Variants in COL9A3 observed in about 807,000 individuals in gnomAD.
The protein encoded by COL9A3 is collagen alpha-3(IX) chain.
Under a neutral mutation model 110.2 loss-of-function variants are expected in COL9A3, and 82 were observed. The ratio of observed to expected loss-of-function variants is 0.74; its 90% CI spans 0.62 to 0.89. The LOEUF (loss-of-function observed/expected upper bound fraction) is 0.89. Among genes scored for constraint, COL9A3 ranks in the 40% least tolerant of loss-of-function variants. The probability of loss-of-function intolerance (pLI) is 0.00; values close to 1 mark genes in which losing one functional copy is unlikely to be tolerated. For missense variants in COL9A3, 1,066 were observed against 981.3 expected, an observed-to-expected ratio of 1.09 and a Z score of -1.15; for synonymous variants, 494 against 403.8, an observed-to-expected ratio of 1.22 and a Z score of -2.68.
rs1048100 is a variant in COL9A3, at chr20:62,840,721, C to G, written c.2044C>G (p.Arg682Gly). ...LGGVGEKSGS[R>G]SS is the part of the protein sequence containing the mutation. ...AGGGGTCGGGGAGAAATCAGGCTCT[C>G]GAAGCTCATAAAATTCAACGTGAGG... The change falls in exon 32 of 32, where the codon CGA (arginine) becomes GGA (glycine). Residue 682 changes from arginine to glycine, a missense_variant. Arg to Gly is a moderately radical substitution (Grantham distance 125, BLOSUM62 -2). Transcript: ENST00000649368. 2 of 1,571,814 alleles carry G rather than the reference C, an allele frequency of 1.3e-6. No individual in the cohort carries two copies. The highest frequency in any genetic ancestry group is 2.3e-5 in the South Asian group (2 of 86,086).
chr20:62,825,331 G>T (rs114074891), intron 12 of COL9A3: 4,970 of 323,540 alleles, frequency 0.015, 62 homozygotes, highest in Middle Eastern at 0.03. Context: ...GCCTGGCCTC[G>T]CTGTGGAAGC....
rs762472200 is a variant in COL9A3, at chr20:62,817,645, G to T, written c.147+10G>T. ...CCAGGACGGCATTGACGTGAGTTTG[G>T]GGGTGGGGAGGGCCCCGAGCGCTCT... On this transcript the variant is annotated intron_variant, in intron 2 of 31. Transcript: ENST00000649368. The T allele has an allele frequency of 3.3e-6, 5 of 1,527,728 alleles. No homozygotes were observed. The Admixed American group carries it at 8.3e-5, about 25-fold the overall frequency. 94.6% of individuals were successfully genotyped at this position (1,527,728 alleles called of 1,614,324 possible).
At chr20:62,822,682 G>C (rs199838058) in intron 10 of COL9A3, 50 bp downstream of exon 10, 159 of 1,590,484 alleles carry the variant, frequency 1.0e-4, no homozygotes, top group Non-Finnish European at 1.2e-4. Flanking sequence ...GCCTACCTTG[G>C]GGGGAGGGGT....
At chr20:62,817,173 A>G in intron 1 of COL9A3, 31 bp downstream of exon 1, 1 of 1,354,318 alleles carries the variant, frequency 7.4e-7, no homozygotes, top group South Asian at 1.6e-5. Flanking sequence ...CTGAGGCTGG[A>G]CGTGGAGCCG....
intron 26 of COL9A3, among the ~76,000 whole-genome samples, chr20:62,833,443 A>G (rs955083220): frequency 3.9e-5 from 6 of 152,158 alleles, no homozygotes; most frequent in Admixed American, 3.3e-4. Context: ...TCACTCTGTC[A>G]CCCAGGCTGG....
At chr20:62,823,977 T>C (rs910040947) in intron 10 of COL9A3, among the ~76,000 whole-genome samples, 1 of 151,470 alleles carries the variant, frequency 6.6e-6, no homozygotes, top group Non-Finnish European at 1.5e-5. Context: ...CGGAGTGGCC[T>C]CCTGGGGTCC....
chr20:62,839,217 C>G (rs866825972), intron 31 of COL9A3, among the ~76,000 whole-genome samples: 1 of 147,580 alleles, frequency 6.8e-6, no homozygotes, highest in Non-Finnish European at 1.5e-5. Flanking sequence ...GGCGACAGAG[C>G]GAGACTCCAT....
At chr20:62,819,876 G>A in intron 4 of COL9A3, 53 bp from the exon 5 acceptor site, 1 of 1,605,500 alleles carries the variant, frequency 6.2e-7, no homozygotes, top group Non-Finnish European at 8.5e-7. Flanking sequence ...TGCCTGGGGG[G>A]TGGCATGTGC....
intron 27 of COL9A3, 110 bp downstream of exon 27, chr20:62,836,063 G>C (rs983317321): frequency 2.5e-6 from 4 of 1,606,900 alleles, no homozygotes; most frequent in Admixed American, 1.7e-5. Context: ...GATCCGAGAT[G>C]TAAAAAAGCT....
chr20:62,819,073 G>T (rs1452626153), intron 3 of COL9A3, 149 bp from the exon 4 acceptor site: 5 of 822,282 alleles, frequency 6.1e-6, no homozygotes, highest in Non-Finnish European at 1.0e-5. Flanking sequence ...GCTGAGCCGG[G>T]TCTGCCAGAC....
intron 24 of COL9A3, chr20:62,831,752 G>C (rs1275396097): frequency 3.6e-6 from 1 of 281,660 alleles, no homozygotes; most frequent in Admixed American, 4.5e-5. Flanking sequence ...GTGAGCAAAT[G>C]GACATTTTTT....
At chr20:62,827,151 C>T in intron 15 of COL9A3, 90 bp from the exon 16 acceptor site, 5 of 1,279,014 alleles carry the variant, frequency 3.9e-6, no homozygotes, top group Non-Finnish European at 5.7e-6. Context: ...GGAGGGCTGT[C>T]CCCCGCCCGG....
Position 62,825,012 on chromosome 20 carries a change from C to A in COL9A3, c.621C>A (p.Asp207Glu), listed in dbSNP as rs766330907. The change falls in exon 12 of 32, where the codon GAC (aspartate) becomes GAA (glutamate). Residue 207 changes from aspartate (D) to glutamate (E), a missense_variant. Asp to Glu is a conservative substitution (Grantham distance 45, BLOSUM62 2). Transcript: ENST00000649368. The stretch of plus-strand genomic sequence containing the variant: ...GCGAGCAGGGGGAAGTCGGCAAGGA[C>A]GGCGAGAAGGTGAAGCTGCCGCACA... ...YKGEQGEVGK[D>E]GEKGDPGPPG... 1 of 1,608,554 alleles carries A rather than the reference C, an allele frequency of 6.2e-7. No individual in the cohort carries two copies. Among genetic ancestry groups the A allele is most frequent in the Non-Finnish European group, 8.5e-7 (1 of 1,178,736 alleles).
intron 25 of COL9A3, among the ~76,000 whole-genome samples, chr20:62,832,487 T>C (rs938538947): frequency 1.2e-4 from 18 of 152,290 alleles, no homozygotes; most frequent in African/African-American, 4.3e-4. Context: ...AAGCTGCTTC[T>C]AGTCCAGGAG....
At position 62,836,502 on chromosome 20, in the gene COL9A3, A is replaced by G. The variant is rs377234995; in HGVS notation, c.1573A>G (p.Ile525Val). 27 of 1,613,284 alleles carry G rather than the reference A, an allele frequency of 1.7e-5. No homozygotes were observed. The highest frequency in any genetic ancestry group is 3.3e-4 in the Middle Eastern group (2 of 6,082). ...VPGKEASEQR[I>V]RELCGGMISE... ...GGGGAAGGAGGCCAGCGAGCAGCGCATCAGGGAGCTGTGTGGGGGGATGAT... is the reference window on the plus strand; with the variant it reads ...GGGGAAGGAGGCCAGCGAGCAGCGCGTCAGGGAGCTGTGTGGGGGGATGAT... Residue 525 changes from isoleucine to valine, a missense_variant, in exon 29 of 32, where the codon ATC becomes GTC. By Grantham distance (29) the Ile-to-Val change is conservative. Transcript: ENST00000649368.
chr20:62,836,426 C>T, intron 28 of COL9A3, 52 bp from the exon 29 acceptor site: 1 of 1,613,060 alleles, frequency 6.2e-7, no homozygotes, highest in Non-Finnish European at 8.5e-7. Flanking sequence ...GGTGGGAATG[C>T]CTCACCGAGG....
chr20:62,822,239 C>T, intron 9 of COL9A3, 75 bp downstream of exon 9: 1 of 844,254 alleles, frequency 1.2e-6, no homozygotes, highest in Non-Finnish European at 2.1e-6. Flanking sequence ...CCCATTCCCC[C>T]TCCCCAGGCT....
At position 62,822,627 on chromosome 20, in the gene COL9A3, C is replaced by T. The variant is rs766777495; in HGVS notation, c.514C>T (p.Leu172Phe). ...AGTCCTCCCTGAAGGCGCTACTGAC[C>T]TTCAGGTAGGCACTTGAAGCCATTT... The part of the protein sequence containing the change: ...PGVLPEGATD[L>F]QCPSICPPGP... Residue 172 changes from leucine (L) to phenylalanine (F), a missense_variant, in exon 10 of 32, where the codon CTT becomes TTT. By Grantham distance (22) the Leu-to-Phe change is conservative. Coordinates refer to ENST00000649368, the MANE Select transcript of COL9A3 (RefSeq NM_001853.4). 4 of 1,612,290 alleles carry T rather than the reference C, an allele frequency of 2.5e-6. No individual in the cohort carries two copies. The highest frequency in any genetic ancestry group is 1.1e-5 in the South Asian group (1 of 91,060).
intron 22 of COL9A3, 112 bp from the exon 23 acceptor site, chr20:62,830,248 C>T (rs1248094547): frequency 1.6e-6 from 2 of 1,287,240 alleles, no homozygotes; most frequent in Non-Finnish European, 1.1e-6. Context: ...TGGCTTAGAA[C>T]CGGCTCCTGT....
Sources: gnomAD v4.1 joint callset for allele counts (sites outside exome capture counted in the v4.1 genomes callset) on GRCh38, gnomAD v4.1.1 for gene constraint, MANE v1.5 for transcripts, NCBI Gene and HGNC (gene_info 2026-07-23, HGNC 2026-07-21) for gene names.